The following SPTBN1 variants were observed in gnomAD, a reference collection of about 807,000 sequenced individuals.
The protein encoded by SPTBN1 is spectrin beta, non-erythrocytic 1, also known as spectrin beta chain, non-erythrocytic 1.
Under a neutral mutation model 266.4 loss-of-function variants are expected in SPTBN1, and 32 were observed. That is an observed-to-expected ratio of 0.12 (90% CI 0.09 to 0.16). SPTBN1 has a LOEUF of 0.16. Ranked by LOEUF, SPTBN1 falls within the 10% of genes least tolerant of loss-of-function variation. SPTBN1 has a pLI of 1.00. For synonymous variants in SPTBN1, 1,336 were observed against 1,162.2 expected (o/e 1.15, Z -3.04); for missense variants, 2,296 against 3,067.1 (o/e 0.75, Z 5.94).
In SPTBN1 at chr2:54,668,953, T is replaced by C. The variant is rs1023616750; in HGVS notation, c.*384T>C. On this transcript the variant is annotated 3_prime_UTR_variant, in exon 36 of 36. Coordinates refer to ENST00000356805, the MANE Select transcript of SPTBN1 (RefSeq NM_003128.3). ...TCACCAGAGGCAAAATGTACCAATA[T>C]CCTGACACCATTCTCTCTCCATTTA... 4.8e-5 allele frequency: 11 copies of C among 230,062 alleles called. No individual in the cohort carries two copies. Among genetic ancestry groups the C allele is most frequent in the African/African-American group, 2.6e-4 (11 of 42,738 alleles). The allele number at this position is 230,062 out of a possible 1,614,324, so 14.3% of individuals were successfully genotyped here. A position where few individuals can be genotyped will look rare whatever the true frequency, so the allele number is the denominator to read the frequency against.
chr2:54,628,017 C>T lies in SPTBN1; in HGVS notation c.1645-80C>T, dbSNP rs1678469382. ...GGAAGGCATAGCTTCATTGCTGGCT[C>T]TCTGCTTGTCGAAAGATGATGTGAT... On this transcript the variant is annotated intron_variant, in intron 12 of 35. Coordinates refer to ENST00000356805, the MANE Select transcript of SPTBN1 (RefSeq NM_003128.3). This position sits in a 1 kb window ranked among gnomAD's most constrained non-coding sequence, Gnocchi z 4.3. The T allele has an allele frequency of 1.3e-6, 2 of 1,502,656 alleles. No homozygotes were observed. Among genetic ancestry groups the T allele is most frequent in the South Asian group, 1.4e-5 (1 of 74,064 alleles). The allele number at this position is 1,502,656 out of a possible 1,614,324, so 93.1% of individuals were successfully genotyped here. A position where few individuals can be genotyped will look rare whatever the true frequency, so the allele number is the denominator to read the frequency against.
chr2:54,487,399 G>A (rs1220595518), intron 1 of SPTBN1, among the ~76,000 whole-genome samples: 1 of 93,188 alleles, frequency 1.1e-5, no homozygotes, highest in African/African-American at 6.8e-5. Context: ...CTATATGCAT[G>A]ACATACTACT....
At chr2:54,571,256 G>A (rs746140614) in intron 2 of SPTBN1, among the ~76,000 whole-genome samples, 3 of 152,052 alleles carry the variant, frequency 2.0e-5, no homozygotes, top group Non-Finnish European at 4.4e-5. Flanking sequence ...AAACACATGG[G>A]CCGTGGATTT....
intron 2 of SPTBN1, among the ~76,000 whole-genome samples, chr2:54,576,549 T>C (rs1674494584): frequency 6.6e-6 from 1 of 152,206 alleles, no homozygotes; most frequent in African/African-American, 2.4e-5. Context: ...GGAAGGCCGT[T>C]GCTTATACGC....
At chr2:54,644,772 C>G (rs1341673589) in intron 20 of SPTBN1, among the ~76,000 whole-genome samples, 186 bp downstream of exon 20, 1 of 152,184 alleles carries the variant, frequency 6.6e-6, no homozygotes, top group African/African-American at 2.4e-5. Flanking sequence ...CTTGTCCAAA[C>G]TAGAAAGACA....
intron 1 of SPTBN1, among the ~76,000 whole-genome samples, chr2:54,497,386 T>G (rs886832372): frequency 3.3e-5 from 5 of 152,176 alleles, no homozygotes; most frequent in Non-Finnish European, 7.3e-5. Context: ...AGTTTTCCAC[T>G]AAGCTCACTT....
intron 1 of SPTBN1, chr2:54,520,480 G>A (rs1670371572): frequency 6.6e-6 from 1 of 152,124 alleles, no homozygotes; most frequent in Admixed American, 6.5e-5. Context: ...TTGAAGAAAT[G>A]AATTTAGTGT....
intron 3 of SPTBN1, among the ~76,000 whole-genome samples, chr2:54,607,935 T>C (rs1377666990): frequency 6.6e-6 from 1 of 152,206 alleles, no homozygotes; most frequent in Non-Finnish European, 1.5e-5. Context: ...AAATGGCCGC[T>C]TGTTACCCAA....
chr2:54,650,033 C>T (rs757489073), intron 26 of SPTBN1, 44 bp downstream of exon 26: 1 of 1,557,092 alleles, frequency 6.4e-7, no homozygotes, highest in Non-Finnish European at 8.6e-7. Context: ...GGCTTTTTCT[C>T]CATAGAACAT....
At position 54,645,982 on chromosome 2, in the gene SPTBN1, C is replaced by G; in HGVS notation, c.4549C>G (p.Leu1517Val). The change falls in exon 22 of 36, where the codon CTC becomes GTC. Residue 1517 changes from leucine (L) to valine (V), a missense_variant. Coordinates refer to ENST00000356805, the MANE Select transcript of SPTBN1 (RefSeq NM_003128.3). The surrounding 1 kb of genome is among the most constrained non-coding windows in gnomAD (Gnocchi z 4.3). ...LATSTDHGHN[L>V]QTVQLLIKKN... ...AACTTCCACGGATCATGGCCACAAC[C>G]TCCAGACTGTGCAGCTGTTAATAAA... is the stretch of plus-strand genomic sequence containing the variant. 6.2e-7 allele frequency: 1 copy of G among 1,614,228 alleles called. No homozygotes were observed. The highest frequency in any genetic ancestry group is 8.5e-7 in the Non-Finnish European group (1 of 1,180,048).
Position 54,533,409 on chromosome 2 carries a change from C to G in SPTBN1, c.148+6843C>G, listed in dbSNP as rs540103660. 6.8e-6 allele frequency among the ~76,000 whole-genome samples: 1 copy of G among 148,060 alleles called. No individual in the cohort carries two copies. The highest frequency in any genetic ancestry group is 1.5e-5 in the Non-Finnish European group (1 of 67,360). ...GTGTGTGTGTGTCTAAACCATTTGA[C>G]TTCTAGTGAACGAACAGAGCCAACC... On this transcript the variant is annotated intron_variant, in intron 2 of 35. Coordinates refer to ENST00000356805, the MANE Select transcript of SPTBN1 (RefSeq NM_003128.3). This position sits in a 1 kb window ranked among gnomAD's most constrained non-coding sequence, Gnocchi z 4.2.
chr2:54,576,280 C>G (rs993263656), intron 2 of SPTBN1, among the ~76,000 whole-genome samples: 4 of 152,008 alleles, frequency 2.6e-5, no homozygotes, highest in Non-Finnish European at 4.4e-5. Context: ...TCTTAAACTC[C>G]TAACCTCAGG....
chr2:54,637,997 A>G (rs970587645), intron 18 of SPTBN1, among the ~76,000 whole-genome samples, 194 bp downstream of exon 18: 6 of 152,248 alleles, frequency 3.9e-5, no homozygotes, highest in African/African-American at 1.4e-4. Flanking sequence ...TTAGATCATT[A>G]TAATCTAGAC....
At chr2:54,580,596 T>G (rs1186473162) in intron 2 of SPTBN1, among the ~76,000 whole-genome samples, 1 of 137,492 alleles carries the variant, frequency 7.3e-6, no homozygotes, top group Non-Finnish European at 1.5e-5. Flanking sequence ...TCTCACACTT[T>G]AACCAAAAAA....
At chr2:54,648,942 C>T (rs1228456354) in intron 24 of SPTBN1, 44 bp from the exon 25 acceptor site, 3 of 1,506,144 alleles carry the variant, frequency 2.0e-6, no homozygotes, top group Non-Finnish European at 2.7e-6. Context: ...AGAAACTTGA[C>T]ATTTAAGATC....
intron 2 of SPTBN1, among the ~76,000 whole-genome samples, chr2:54,575,021 T>C (rs1252128643): frequency 6.6e-6 from 1 of 152,180 alleles, no homozygotes; most frequent in Non-Finnish European, 1.5e-5. Context: ...AAATGGGTGA[T>C]GGTGAACTTC....
intron 32 of SPTBN1, chr2:54,662,069 C>CA (rs1192713598): frequency 1.0e-6 from 1 of 985,266 alleles, no homozygotes; most frequent in African/African-American, 1.7e-5. Context: ...TACTAGTTGT[C>CA]ACGTTGCATT....
At chr2:54,663,344 G>T (rs1033274111) in intron 32 of SPTBN1, 1 of 152,218 alleles carries the variant, frequency 6.6e-6, no homozygotes, top group African/African-American at 2.4e-5. Context: ...GGTGCAGGTT[G>T]TCTGTAATCC....
At chr2:54,541,461 G>A (rs145009033) in intron 2 of SPTBN1, among the ~76,000 whole-genome samples, 1 of 152,338 alleles carries the variant, frequency 6.6e-6, no homozygotes, top group African/African-American at 2.4e-5. Context: ...ATACTAATGT[G>A]AAATCTAAAA....
Sources: gnomAD v4.1 joint callset for allele counts (sites outside exome capture counted in the v4.1 genomes callset) on GRCh38, gnomAD v4.1.1 for gene constraint, Gnocchi (gnomAD v3.1) non-coding constraint, MANE v1.5 for transcripts, NCBI Gene and HGNC (gene_info 2026-07-23, HGNC 2026-07-21) for gene names.